The following TMCO5A variants were observed in gnomAD, a reference collection of about 807,000 sequenced individuals.
TMCO5A encodes the protein transmembrane and coiled-coil domains 5A.
TMCO5A carries 34 observed loss-of-function variants against 42.3 expected under a neutral mutation model. The observed-to-expected ratio is 0.80, with a 90% CI of 0.61 to 1.07. The LOEUF (loss-of-function observed/expected upper bound fraction) is 1.07. Among genes scored for constraint, TMCO5A ranks in the 50% least tolerant of loss-of-function variants. The probability of loss-of-function intolerance (pLI) is 0.00; values close to 1 mark genes in which losing one functional copy is unlikely to be tolerated. For missense variants in TMCO5A, 357 were observed against 327.9 expected, an observed-to-expected ratio of 1.09 and a Z score of -0.69; for synonymous variants, 131 against 115.6, an observed-to-expected ratio of 1.13 and a Z score of -0.86.
the TMCO5A span, among the ~76,000 whole-genome samples, chr15:37,987,454 A>G: frequency 6.6e-6 from 1 of 151,920 alleles, no homozygotes; most frequent in African/African-American, 2.4e-5. Context: ...ATATCTAAAA[A>G]ATTGCCAAAT....
At chr15:37,942,997 GT>G (rs1889803824) in intron 9 of TMCO5A, 4 of 197,696 alleles carry the variant, frequency 2.0e-5, no homozygotes, top group Non-Finnish European at 3.1e-5. Context: ...GGACTTGTAG[GT>G]CCTTGCCCCT....
the TMCO5A span, among the ~76,000 whole-genome samples, chr15:37,982,433 AT>A: frequency 2.1e-5 from 3 of 139,656 alleles, no homozygotes; most frequent in Non-Finnish European, 4.5e-5. Context: ...ATATATTACA[AT>A]TATATACAAA....
downstream of TMCO5A, among the ~76,000 whole-genome samples, chr15:37,953,234 T>C (rs1890204399): frequency 1.3e-5 from 2 of 151,972 alleles, no homozygotes. Context: ...CATAGCCAGG[T>C]AGTGACTACA....
the TMCO5A span, among the ~76,000 whole-genome samples, chr15:37,983,580 C>G: frequency 1.3e-5 from 2 of 152,176 alleles, no homozygotes; most frequent in African/African-American, 4.8e-5. Context: ...ACTCTCAAAT[C>G]ACAGACTCAT....
chr15:38,039,088 C>T, the TMCO5A span, among the ~76,000 whole-genome samples: 1 of 152,118 alleles, frequency 6.6e-6, no homozygotes, highest in South Asian at 2.1e-4. Context: ...CTGTTTCCAT[C>T]TGTCTAGAGG....
Position 37,936,850 on chromosome 15 carries a change from G to A in TMCO5A, c.144G>A (p.Leu48=). 2 of 1,611,562 alleles carry A rather than the reference G, an allele frequency of 1.2e-6. No homozygotes were observed. Among genetic ancestry groups the A allele is most frequent in the Non-Finnish European group, 1.7e-6 (2 of 1,178,756 alleles). ...IQEREDKIQR[L]ESEIIQTRGL... ...GGCATGTGCTTGTGTTGTCCAGGCT[G>A]GAAAGTGAGATCATTCAGACGCGGG... is the stretch of plus-strand genomic sequence containing the variant. Residue 48 remains leucine (L), a synonymous_variant, in exon 4 of 12, where the codon CTG becomes CTA. Coordinates refer to ENST00000319669, the MANE Select transcript of TMCO5A (RefSeq NM_152453.4).
At chr15:38,020,000 A>AT in the TMCO5A span, among the ~76,000 whole-genome samples, 7 of 149,406 alleles carry the variant, frequency 4.7e-5, no homozygotes, top group African/African-American at 7.4e-5. Flanking sequence ...AATTAAAAAA[A>AT]TTTTTTTTTA....
At chr15:37,957,190 C>T (rs1445180535) in intron 11 of TMCO5A, among the ~76,000 whole-genome samples, 1 of 152,026 alleles carries the variant, frequency 6.6e-6, no homozygotes, top group African/African-American at 2.4e-5. Context: ...CAAGACAAGG[C>T]TGCCCTCTCT....
chr15:37,978,492 AAG>A, the TMCO5A span, among the ~76,000 whole-genome samples: 2 of 152,108 alleles, frequency 1.3e-5, no homozygotes, highest in African/African-American at 2.4e-5. Flanking sequence ...TCACAGGAAA[AAG>A]AGTCTGAGTT....
the TMCO5A span, among the ~76,000 whole-genome samples, chr15:37,998,112 A>C: frequency 2.0e-5 from 3 of 152,246 alleles, no homozygotes; most frequent in East Asian, 3.9e-4. Flanking sequence ...CGCTTGTCAG[A>C]TAAGTAGCTT....
the TMCO5A span, among the ~76,000 whole-genome samples, chr15:38,008,791 C>G: frequency 5.3e-5 from 8 of 152,172 alleles, no homozygotes; most frequent in Non-Finnish European, 1.0e-4. Context: ...TGGTTGGAAT[C>G]AAGACAACGC....
rs748937967 is a variant in TMCO5A at position 37,936,408 on chromosome 15, G to T, written c.85G>T (p.Glu29Ter). The change falls in exon 3 of 12, where the codon GAA becomes TAA. Residue 29 changes from glutamate to a stop codon, truncating the protein, a stop_gained. Transcript: ENST00000319669. LOFTEE classifies it high-confidence loss of function. Reference protein sequence around the residue: ...DLERDTQRIDEANQKLLLKIQ... With the variant: ...DLERDTQRID ...TGAAAGGGATACGCAGAGAATAGATGAAGCAAATCAGAAACTTCTTCTCAA... is the reference window on the plus strand; with the variant it reads ...TGAAAGGGATACGCAGAGAATAGATTAAGCAAATCAGAAACTTCTTCTCAA... The T allele has an allele frequency of 2.5e-6, 4 of 1,613,048 alleles. No individual in the cohort carries two copies. In the South Asian group the frequency reaches 4.4e-5, roughly 18 times the overall value.
At chr15:37,996,005 C>T in the TMCO5A span, among the ~76,000 whole-genome samples, 1 of 152,238 alleles carries the variant, frequency 6.6e-6, no homozygotes, top group South Asian at 2.1e-4. Flanking sequence ...CAAGGCATCA[C>T]TTACCTAGGG....
At chr15:37,985,335 G>C in the TMCO5A span, among the ~76,000 whole-genome samples, 1 of 152,128 alleles carries the variant, frequency 6.6e-6, no homozygotes, top group African/African-American at 2.4e-5. Context: ...AAATTAGAAT[G>C]ATTTTCCCTG....
the TMCO5A span, among the ~76,000 whole-genome samples, chr15:37,992,566 A>G: frequency 1.1e-4 from 16 of 152,224 alleles, no homozygotes; most frequent in African/African-American, 3.4e-4. Flanking sequence ...CTGCAGTACT[A>G]TTCACAATAG....
At chr15:38,002,853 C>A in the TMCO5A span, among the ~76,000 whole-genome samples, 7 of 152,046 alleles carry the variant, frequency 4.6e-5, no homozygotes, top group Admixed American at 2.0e-4. Context: ...TGGTACTGGT[C>A]ACAGGTGCTT....
chr15:37,966,625 A>G, exon 12 of TMCO5A: 1 of 702,952 alleles, frequency 1.4e-6, no homozygotes, highest in Non-Finnish European at 2.6e-6. Context: ...CTCTCTTCAG[A>G]TGGGCCTCCT....
At chr15:37,966,787 C>A in exon 12 of TMCO5A, 1 of 683,676 alleles carries the variant, frequency 1.5e-6, no homozygotes, top group South Asian at 1.6e-5. Flanking sequence ...CCTACCCTGT[C>A]CCACAGTCAA....
At chr15:37,966,505 T>A in intron 11 of TMCO5A, 1 of 692,564 alleles carries the variant, frequency 1.4e-6, no homozygotes, top group Non-Finnish European at 2.6e-6. Flanking sequence ...TATACACACC[T>A]ACTATGTACC....
Sources: allele counts gnomAD v4.1 joint callset (sites outside exome capture counted in the v4.1 genomes callset), GRCh38; gene constraint gnomAD v4.1.1; transcripts MANE v1.5; gene names NCBI Gene and HGNC (gene_info 2026-07-23, HGNC 2026-07-21).